The following TP53BP1 variants were observed in gnomAD, a reference collection of about 807,000 sequenced individuals.
TP53BP1 encodes TP53-binding protein 1.
TP53BP1 carries 61 observed loss-of-function variants against 200.8 expected under a neutral mutation model. That is an observed-to-expected ratio of 0.30 (90% confidence interval 0.25 to 0.38). The LOEUF (loss-of-function observed/expected upper bound fraction) is 0.38, where lower values mean the gene tolerates loss of function less well. Among genes scored for constraint, TP53BP1 ranks in the 10% least tolerant of loss-of-function variants. The pLI is 1.00. For missense variants in TP53BP1, 2,144 were observed against 2,371.9 expected (o/e 0.90, Z 2.00); for synonymous variants, 822 against 844.3 (o/e 0.97, Z 0.46).
At position 43,502,666 on chromosome 15, in the gene TP53BP1, A is replaced by G. The variant is rs1354831268; in HGVS notation, c.-9+7704T>C. Among the ~76,000 whole-genome samples, 3 of 144,634 alleles carry G rather than the reference A, an allele frequency of 2.1e-5. No homozygotes were observed. The East Asian group carries it at 6.2e-4, about 30-fold the overall frequency. The allele number at this position is 144,634 out of a possible 152,430, so 94.9% of individuals were successfully genotyped here. On this transcript the variant is annotated intron_variant, in intron 1 of 27. Coordinates refer to the TP53BP1 transcript ENST00000263801. ...AGTAGAGACGGGGTTTCACTATGTT[A>G]GCCAAAATGGTCTCAATCTCCTGTC...
At position 43,441,566 on chromosome 15, in the gene TP53BP1, T is replaced by C; in HGVS notation, c.3058A>G (p.Arg1020Gly). Residue 1020 changes from arginine (R) to glycine (G), a missense_variant, in exon 15 of 28, where the codon AGA (arginine) becomes GGA (glycine). Arg to Gly is a moderately radical substitution (Grantham distance 125, BLOSUM62 -2). Coordinates refer to ENST00000382044, the MANE Select transcript of TP53BP1 (RefSeq NM_001141980.3). ...FNLEKPATGE[R>G]KNGSTAVAES... ...GCAACAGCAGTAGATCCATTTTTTC[T>C]TTCACCAGTTGCAGGCTCTGAATAA... 6.2e-7 allele frequency: 1 copy of C among 1,613,218 alleles called. No individual in the cohort carries two copies. The highest frequency in any genetic ancestry group is 8.5e-7 in the Non-Finnish European group (1 of 1,179,290).
chr15:43,471,512 C>T (rs1486077938), intron 10 of TP53BP1, among the ~76,000 whole-genome samples: 2 of 152,020 alleles, frequency 1.3e-5, no homozygotes, highest in Non-Finnish European at 2.9e-5. Flanking sequence ...CTGCAACCTC[C>T]GCCTCCCAGG....
intron 11 of TP53BP1, among the ~76,000 whole-genome samples, chr15:43,467,875 C>T (rs1469544384): frequency 2.0e-5 from 3 of 151,916 alleles, no homozygotes; most frequent in Non-Finnish European, 4.4e-5. Flanking sequence ...CCTCTGCCTC[C>T]TAGGTTCAAG....
chr15:43,488,466 T>C (rs2079076577), intron 4 of TP53BP1, among the ~76,000 whole-genome samples: 1 of 152,194 alleles, frequency 6.6e-6, no homozygotes, highest in South Asian at 2.1e-4. Flanking sequence ...TAAACATCCT[T>C]GCAGTGTTAG....
intron 23 of TP53BP1, among the ~76,000 whole-genome samples, chr15:43,413,691 G>C (rs2045188866): frequency 6.6e-6 from 1 of 152,008 alleles, no homozygotes; most frequent in Non-Finnish European, 1.5e-5. Context: ...GAAATAGTAG[G>C]TGAGAGTGAA....
chr15:43,454,792 C>T lies in TP53BP1; in HGVS notation c.2716+1100G>A, dbSNP rs1200871059. On this transcript the variant is annotated intron_variant, in intron 12 of 27. Transcript: ENST00000382044. ...TGTTGCCCAGGCTGCAATGCAGTGG[C>T]GTGATCTTGGCTCACTGCAACCTCT... Among the ~76,000 whole-genome samples the T allele has an allele frequency of 3.3e-5, 5 of 152,098 alleles. 1 individual carries two copies. Among genetic ancestry groups the T allele is most frequent in the African/African-American group, 9.7e-5 (4 of 41,404 alleles).
intron 14 of TP53BP1, among the ~76,000 whole-genome samples, chr15:43,445,017 A>C (rs2046009929): frequency 6.6e-6 from 1 of 152,186 alleles, no homozygotes; most frequent in Non-Finnish European, 1.5e-5. Flanking sequence ...ATAGTGGAAC[A>C]CTAGGCATAA....
At position 43,420,393 on chromosome 15, in the gene TP53BP1, A is replaced by G. The variant is rs746972831; in HGVS notation, c.4593T>C (p.Asp1531=). ...ATAACAGAATGTCTTTGCCCAACAC[A>G]TCACATTCGTACCCATCATCAAAGA... The part of the protein sequence containing the change: ...KLLFDDGYEC[D]VLGKDILLCD... Residue 1531 remains aspartate (D), a synonymous_variant, in exon 21 of 28, where the codon GAT becomes GAC. Coordinates refer to ENST00000382044, the MANE Select transcript of TP53BP1 (RefSeq NM_001141980.3). 1.2e-6 allele frequency: 2 copies of G among 1,614,182 alleles called. No individual in the cohort carries two copies. The highest frequency in any genetic ancestry group is 3.3e-5 in the Admixed American group (2 of 60,016).
intron 13 of TP53BP1, chr15:43,447,087 C>T (rs2046059320): frequency 1.1e-5 from 5 of 459,966 alleles, no homozygotes; most frequent in Non-Finnish European, 1.6e-5. Flanking sequence ...TACATCACTA[C>T]TTAGCACTCA....
Position 43,475,652 on chromosome 15 carries a change from C to T in TP53BP1, c.998G>A (p.Gly333Glu). ...GGCAGGAGTGGAAGCCAAAGAACAC[C>T]CACCTTCCTCCCTTGAAGGAGTAGA... ...GCSTPSREEG[G>E]CSLASTPATT... Residue 333 changes from glycine to glutamate, a missense_variant, in exon 9 of 28, where the codon GGG becomes GAG. Physicochemically the swap from Gly to Glu is moderately conservative, Grantham distance 98. This residue lies in a region of TP53BP1 where 1,700 missense variants were observed against 1,710.3 expected (regional missense o/e 0.99). Coordinates refer to ENST00000382044, the MANE Select transcript of TP53BP1 (RefSeq NM_001141980.3). The T allele has an allele frequency of 6.2e-7, 1 of 1,613,906 alleles. No homozygotes were observed. The highest frequency in any genetic ancestry group is 8.5e-7 in the Non-Finnish European group (1 of 1,180,010).
chr15:43,502,291 T>G (rs1433477876), intron 1 of TP53BP1, among the ~76,000 whole-genome samples: 1 of 151,938 alleles, frequency 6.6e-6, no homozygotes, highest in African/African-American at 2.4e-5. Context: ...CCACTTGCAC[T>G]CCAGCCTGGG....
intron 8 of TP53BP1, among the ~76,000 whole-genome samples, chr15:43,476,459 T>C (rs1482175463): frequency 6.6e-6 from 1 of 152,188 alleles, no homozygotes; most frequent in Non-Finnish European, 1.5e-5. Context: ...CTTGATGTTA[T>C]AAATGCAGCA....
At chr15:43,498,104 A>G (rs986928541), upstream of TP53BP1, among the ~76,000 whole-genome samples, 14 of 152,226 alleles carry the variant, frequency 9.2e-5, no homozygotes, top group Non-Finnish European at 1.8e-4. Context: ...TTACACAGGT[A>G]TACTATTTAT....
intron 7 of TP53BP1, among the ~76,000 whole-genome samples, chr15:43,478,989 T>G (rs2078923143): frequency 6.6e-6 from 1 of 152,178 alleles, no homozygotes; most frequent in Non-Finnish European, 1.5e-5. Flanking sequence ...GGCAGGAGGA[T>G]TACTTGAGCC....
At chr15:43,499,508 A>T (rs548704) in intron 1 of TP53BP1, among the ~76,000 whole-genome samples, 1 of 152,064 alleles carries the variant, frequency 6.6e-6, no homozygotes, top group African/African-American at 2.4e-5. Flanking sequence ...TCATTATTAC[A>T]CTTTCCCATT....
intron 11 of TP53BP1, among the ~76,000 whole-genome samples, chr15:43,467,075 G>C (rs1313618274): frequency 2.0e-5 from 3 of 147,078 alleles, no homozygotes; most frequent in African/African-American, 7.6e-5. Flanking sequence ...TTTTTTTTGA[G>C]ACAAGGTCTC....
intron 12 of TP53BP1, among the ~76,000 whole-genome samples, chr15:43,449,386 A>G (rs2143006527): frequency 6.6e-6 from 1 of 152,250 alleles, no homozygotes; most frequent in East Asian, 1.9e-4. Context: ...GAAATCTTTA[A>G]GCAGACCTTT....
At chr15:43,484,752 T>C (rs2079022254) in intron 4 of TP53BP1, among the ~76,000 whole-genome samples, 1 of 131,504 alleles carries the variant, frequency 7.6e-6, no homozygotes, top group Non-Finnish European at 1.5e-5. Context: ...CTTACTTGTT[T>C]TTTGTTTTTT....
chr15:43,441,364 T>C lies in TP53BP1; in HGVS notation c.3098+162A>G, dbSNP rs3742974. On this transcript the variant is annotated intron_variant, in intron 15 of 27. Transcript: ENST00000382044. The stretch of plus-strand genomic sequence containing the variant: ...AGCTTCACTGAACTTAAAAAAGTAT[T>C]AACTAAAAAGTCTATGATCCATTCA... 2.6e-5 allele frequency: 14 copies of C among 539,180 alleles called. No homozygotes were observed. In the East Asian group the frequency reaches 3.7e-4, roughly 14 times the overall value. The allele number at this position is 539,180 out of a possible 1,614,324, so 33.4% of individuals were successfully genotyped here.
Sources: gnomAD v4.1 joint callset for allele counts (sites outside exome capture counted in the v4.1 genomes callset) on GRCh38, gnomAD v4.1.1 for gene constraint, gnomAD v4.1.1 regional missense constraint, MANE v1.5 for transcripts, NCBI Gene and HGNC (gene_info 2026-07-23, HGNC 2026-07-21) for gene names.